The following CCDC38 variants were observed in gnomAD, a reference collection of about 807,000 sequenced individuals.
The protein encoded by CCDC38 is coiled-coil domain containing 38.
Under a neutral mutation model 72.8 loss-of-function variants are expected in CCDC38, and 69 were observed. The ratio of observed to expected loss-of-function variants is 0.95; its 90% CI spans 0.78 to 1.16. CCDC38 has a LOEUF of 1.16. Among genes scored for constraint, CCDC38 ranks in the 50% most tolerant of loss-of-function variants. The pLI, the probability that CCDC38 is intolerant of heterozygous loss-of-function variation, is 0.00. For synonymous variants in CCDC38, 201 were observed against 213.2 expected (o/e 0.94, Z 0.50); for missense variants, 626 against 638.9 (o/e 0.98, Z 0.22).
intron 4 of CCDC38, among the ~76,000 whole-genome samples, chr12:95,908,085 CGGCACTTTGGGA>C (rs1565956782): frequency 6.6e-6 from 1 of 152,098 alleles, no homozygotes; most frequent in African/African-American, 2.4e-5. Flanking sequence ...GCTGCAATCT[CGGCACTTTGGGA>C]GGCCAAGGCA....
intron 10 of CCDC38, chr12:95,885,549 A>G (rs1477845623): frequency 6.1e-6 from 1 of 164,608 alleles, no homozygotes; most frequent in Non-Finnish European, 1.3e-5. Flanking sequence ...TTGCTATATT[A>G]TCAGAGATCA....
Position 95,872,473 on chromosome 12 carries a change from A to G in CCDC38, c.1279-13T>C. On this transcript the variant is annotated splice_polypyrimidine_tract_variant and intron_variant, in intron 13 of 15. Coordinates refer to ENST00000344280, the MANE Select transcript of CCDC38 (RefSeq NM_182496.3). ...CTATCAGTATTTCCTGAGATTGAGA[A>G]GAGCAGAAAACATTAACATCACATT... The G allele has an allele frequency of 6.4e-7, 1 of 1,564,550 alleles. No individual in the cohort carries two copies. Among genetic ancestry groups the G allele is most frequent in the Non-Finnish European group, 8.8e-7 (1 of 1,135,160 alleles).
intron 5 of CCDC38, among the ~76,000 whole-genome samples, chr12:95,900,090 T>C (rs545107854): frequency 6.6e-6 from 1 of 151,982 alleles, no homozygotes; most frequent in East Asian, 1.9e-4. Context: ...GCCATTGAAA[T>C]AGCAAAAACC....
chr12:95,921,084 T>A (rs980692916), intron 2 of CCDC38, among the ~76,000 whole-genome samples: 1 of 150,470 alleles, frequency 6.6e-6, no homozygotes, highest in African/African-American at 2.4e-5. Context: ...GCCGAGATCA[T>A]GCCATTGCAC....
At chr12:95,903,313 G>C in intron 5 of CCDC38, 1 of 596,866 alleles carries the variant, frequency 1.7e-6, no homozygotes, top group Non-Finnish European at 3.0e-6. Flanking sequence ...TTTCTGCAGA[G>C]AGGATCGTGT....
chr12:95,922,178 T>C (rs2080216821), intron 2 of CCDC38, among the ~76,000 whole-genome samples: 1 of 152,040 alleles, frequency 6.6e-6, no homozygotes. Flanking sequence ...AGAAAGAAAA[T>C]TGCAGAGTGG....
In CCDC38 at chr12:95,917,128, C is replaced by T. The variant is rs2080152492; in HGVS notation, c.304+1G>A. ...GTTCTTAAAGAGTAATTTAGACTCACCTTCTATTAATCTAGGAATCGGAGC... is the reference window on the plus strand; with the variant it reads ...GTTCTTAAAGAGTAATTTAGACTCATCTTCTATTAATCTAGGAATCGGAGC... On this transcript the variant is annotated splice_donor_variant, in intron 4 of 15. Transcript: ENST00000344280. LOFTEE classifies it high-confidence loss of function. The T allele has an allele frequency of 6.4e-7, 1 of 1,572,580 alleles. No individual in the cohort carries two copies. The highest frequency in any genetic ancestry group is 8.6e-7 in the Non-Finnish European group (1 of 1,169,268).
intron 11 of CCDC38, among the ~76,000 whole-genome samples, chr12:95,880,266 G>A (rs908524309): frequency 6.6e-6 from 1 of 152,152 alleles, no homozygotes; most frequent in African/African-American, 2.4e-5. Flanking sequence ...CATTATTCAC[G>A]ATAGCCAAGA....
At chr12:95,901,305 GATA>G (rs2079947594) in intron 5 of CCDC38, among the ~76,000 whole-genome samples, 2 of 152,196 alleles carry the variant, frequency 1.3e-5, no homozygotes, top group Non-Finnish European at 2.9e-5. Flanking sequence ...TATGGTATGA[GATA>G]CAGACTTGCA....
chr12:95,889,497 T>G (rs991968335), intron 9 of CCDC38, among the ~76,000 whole-genome samples: 1 of 152,164 alleles, frequency 6.6e-6, no homozygotes, highest in African/African-American at 2.4e-5. Context: ...GGCAAAGTAG[T>G]ATGTCTTAAA....
intron 1 of CCDC38, among the ~76,000 whole-genome samples, chr12:95,938,828 T>C (rs2080419855): frequency 1.3e-5 from 2 of 152,310 alleles, no homozygotes; most frequent in Admixed American, 1.3e-4. Context: ...AAACAAAGGC[T>C]CTGTACCAAA....
intron 13 of CCDC38, among the ~76,000 whole-genome samples, chr12:95,873,268 A>C (rs1054852110): frequency 3.3e-5 from 5 of 152,250 alleles, no homozygotes; most frequent in Non-Finnish European, 1.5e-5. Context: ...TCTTATGCTT[A>C]AACTTACAAC....
chr12:95,917,169 CTT>C lies in CCDC38; in HGVS notation c.262_263del (p.Lys88ValfsTer10). 1 of 1,604,678 alleles carries C rather than the reference CTT, an allele frequency of 6.2e-7. No homozygotes were observed. The highest frequency in any genetic ancestry group is 8.5e-7 in the Non-Finnish European group (1 of 1,178,158). On this transcript the variant is annotated frameshift_variant, in exon 4 of 16. Coordinates refer to ENST00000344280, the MANE Select transcript of CCDC38 (RefSeq NM_182496.3). LOFTEE classifies it high-confidence loss of function. The stretch of plus-strand genomic sequence containing the variant: ...GAATCGGAGCAGGACCTGGCCCAAA[CTT>C]TTCAAATGACCTACCACTCCTTTTA... Reference protein sequence around the residue: ...YPKRSGRSFEKFGPGPAPIPR... With the variant: ...YPKRSGRSFEXFGPGPAPIPR...
intron 10 of CCDC38, among the ~76,000 whole-genome samples, chr12:95,886,279 C>G (rs941358236): frequency 6.6e-6 from 1 of 152,168 alleles, no homozygotes; most frequent in Admixed American, 6.5e-5. Flanking sequence ...AGCACCATCA[C>G]CACAATCTAA....
At chr12:95,943,232 C>A (rs1370217060), upstream of CCDC38, 7 of 670,338 alleles carry the variant, frequency 1.0e-5, no homozygotes, top group Non-Finnish European at 1.6e-5. Flanking sequence ...TTACCGCCCC[C>A]GTTGCTGTGG....
chr12:95,910,036 T>G lies in CCDC38; in HGVS notation c.305-3585A>C, dbSNP rs550972736. On this transcript the variant is annotated intron_variant, in intron 4 of 15. Coordinates refer to ENST00000344280, the MANE Select transcript of CCDC38 (RefSeq NM_182496.3). ...TCAGCATTCCTAGTCAACATAATAC[T>G]GGAAGTCTTAACCAGGGCAATCCAG... Among the ~76,000 whole-genome samples, 20 of 152,214 alleles carry G rather than the reference T, an allele frequency of 1.3e-4. No individual in the cohort carries two copies. The East Asian group carries it at 2.1e-3, about 16-fold the overall frequency.
At chr12:95,884,058 T>A (rs2079730347) in intron 10 of CCDC38, among the ~76,000 whole-genome samples, 1 of 152,176 alleles carries the variant, frequency 6.6e-6, no homozygotes, top group Non-Finnish European at 1.5e-5. Flanking sequence ...CCCTCTACTC[T>A]TATTCAACAT....
intron 10 of CCDC38, chr12:95,885,632 C>T (rs1334237702): frequency 6.5e-6 from 1 of 155,024 alleles, no homozygotes; most frequent in African/African-American, 2.4e-5. Context: ...AAGTTCCCAT[C>T]TGTGATGCAT....
chr12:95,940,865 G>A (rs748610918), intron 1 of CCDC38, among the ~76,000 whole-genome samples: 4 of 128,694 alleles, frequency 3.1e-5, no homozygotes, highest in African/African-American at 6.3e-5. Context: ...CCCCTTTTGC[G>A]AAGTGAAAAA....
Sources: allele counts gnomAD v4.1 joint callset (sites outside exome capture counted in the v4.1 genomes callset), GRCh38; gene constraint gnomAD v4.1.1; transcripts MANE v1.5; gene names NCBI Gene and HGNC (gene_info 2026-07-23, HGNC 2026-07-21).